KCNQ1: variants seen among roughly 807,000 people sequenced by gnomAD.
KCNQ1 encodes potassium voltage-gated channel subfamily KQT member 1.
A neutral mutation model predicts 72.4 loss-of-function variants in KCNQ1; 49 were observed. The observed-to-expected ratio is 0.68, with a 90% CI of 0.54 to 0.86. The LOEUF is 0.86. Among genes scored for constraint, KCNQ1 ranks in the 40% least tolerant of loss-of-function variants. The pLI, the probability that KCNQ1 is intolerant of heterozygous loss-of-function variation, is 0.00. For synonymous variants in KCNQ1, 450 were observed against 412.6 expected (o/e 1.09, Z -1.10); for missense variants, 790 against 945.1 (o/e 0.84, Z 2.15).
In KCNQ1 at chr11:2,587,587, T is replaced by C. The variant is rs2133758141; in HGVS notation, c.1146T>C (p.Tyr382=). 1 of 1,613,852 alleles carries C rather than the reference T, an allele frequency of 6.2e-7. No homozygotes were observed. The highest frequency in any genetic ancestry group is 8.5e-7 in the Non-Finnish European group (1 of 1,180,012). The part of the protein sequence containing the change: ...ASLIQTAWRC[Y]AAENPDSSTW... ...GACCTCAGACCGCATGGAGGTGCTA[T>C]GCTGCCGAGAACCCCGACTCCTCCA... is the stretch of plus-strand genomic sequence containing the variant. Residue 382 remains tyrosine (Y), a synonymous_variant, in exon 9 of 16, where the codon TAT becomes TAC. Coordinates refer to ENST00000155840, the MANE Select transcript of KCNQ1 (RefSeq NM_000218.3).
At chr11:2,708,716 CG>C (rs1554910232) in intron 11 of KCNQ1, among the ~76,000 whole-genome samples, 1 of 151,658 alleles carries the variant, frequency 6.6e-6, no homozygotes, top group South Asian at 2.1e-4. Flanking sequence ...ACGCGGGTTG[CG>C]GGGGGCGGTC....
rs1214655830 is a variant in KCNQ1 at position 2,816,661 on chromosome 11, T to C, written c.1795-31106T>C. 6.6e-6 allele frequency among the ~76,000 whole-genome samples: 1 copy of C among 152,000 alleles called. No individual in the cohort carries two copies. The highest frequency in any genetic ancestry group is 1.5e-5 in the Non-Finnish European group (1 of 67,966). ...CTCAAGGGCTAACCATGATGTTTCA[T>C]TAAGGGAGAAATGCACTTGCTGCTC... is the stretch of plus-strand genomic sequence containing the variant. On this transcript the variant is annotated intron_variant, in intron 15 of 15. Transcript: ENST00000155840. This position sits in a 1 kb window ranked among gnomAD's most constrained non-coding sequence, Gnocchi z 6.8.
chr11:2,754,820 G>A (rs78045966), intron 11 of KCNQ1, among the ~76,000 whole-genome samples: 2,235 of 152,232 alleles, frequency 0.015, 47 homozygotes, highest in African/African-American at 0.051. Context: ...AGACACAAAA[G>A]CATTGACTGT....
rs563034875 is a variant in KCNQ1, at chr11:2,805,163, G to A, written c.1794+27126G>A. ...AGACGTGGAGATGAGGCTGAGAGCCGGAAGCAAGGGCTTTGTCTCTAGAAG... is the reference window on the plus strand; with the variant it reads ...AGACGTGGAGATGAGGCTGAGAGCCAGAAGCAAGGGCTTTGTCTCTAGAAG... On this transcript the variant is annotated intron_variant, in intron 15 of 15. Transcript: ENST00000155840. 3.9e-5 allele frequency among the ~76,000 whole-genome samples: 6 copies of A among 152,274 alleles called. No homozygotes were observed. In the South Asian group the frequency reaches 6.2e-4, roughly 16 times the overall value.
In KCNQ1 at chr11:2,766,989, C is replaced by T. The variant is rs1200887498; in HGVS notation, c.1515-1855C>T. Among the ~76,000 whole-genome samples, 1 of 152,152 alleles carries T rather than the reference C, an allele frequency of 6.6e-6. No individual in the cohort carries two copies. The highest frequency in any genetic ancestry group is 1.5e-5 in the Non-Finnish European group (1 of 68,036). ...GTCAAGAGATCAACACCATCCTAGC[C>T]AACATGATCAAACCCTGTCTCTACT... On this transcript the variant is annotated intron_variant, in intron 11 of 15. Coordinates refer to ENST00000155840, the MANE Select transcript of KCNQ1 (RefSeq NM_000218.3). This position sits in a 1 kb window ranked among gnomAD's most constrained non-coding sequence, Gnocchi z 4.4.
intron 15 of KCNQ1, among the ~76,000 whole-genome samples, chr11:2,792,544 T>C (rs1055349164): frequency 6.6e-6 from 1 of 152,132 alleles, no homozygotes; most frequent in Non-Finnish European, 1.5e-5. Context: ...GGTTGCAGGG[T>C]GTGCGGGCTG....
At chr11:2,800,752 C>A (rs192116993) in intron 15 of KCNQ1, among the ~76,000 whole-genome samples, 1 of 152,156 alleles carries the variant, frequency 6.6e-6, no homozygotes, top group East Asian at 1.9e-4. Flanking sequence ...GACATGCTTG[C>A]GGGGGTTCAG....
Position 2,527,950 on chromosome 11 carries a change from C to T in KCNQ1, c.409C>T (p.Leu137Phe), listed in dbSNP as rs199473450. ...FAVFLIVLVC[L>F]IFSVLSTIEQ... ...CAGCTTCCTCATCGTCCTGGTCTGC[C>T]TCATCTTCAGCGTGCTGTCCACCAT... The change falls in exon 2 of 16, where the codon CTC becomes TTC. Residue 137 changes from leucine (L) to phenylalanine (F), a missense_variant. By Grantham distance (22) the Leu-to-Phe change is conservative. This residue lies in a region of KCNQ1 where 294 missense variants were observed against 323.3 expected (regional missense o/e 0.91). Coordinates refer to ENST00000155840, the MANE Select transcript of KCNQ1 (RefSeq NM_000218.3). 1.2e-6 allele frequency: 2 copies of T among 1,614,110 alleles called. No individual in the cohort carries two copies. The highest frequency in any genetic ancestry group is 2.2e-5 in the South Asian group (2 of 91,086).
intron 15 of KCNQ1, among the ~76,000 whole-genome samples, chr11:2,805,642 A>G (rs892717415): frequency 2.0e-5 from 3 of 152,242 alleles, no homozygotes; most frequent in African/African-American, 7.2e-5. Context: ...CGTGTGACCA[A>G]CGAAGCCAGA....
At chr11:2,552,060 A>G (rs1847990722) in intron 2 of KCNQ1, among the ~76,000 whole-genome samples, 1 of 151,524 alleles carries the variant, frequency 6.6e-6, no homozygotes, top group Non-Finnish European at 1.5e-5. Flanking sequence ...TCTTAACAGG[A>G]TCTTTCAAAA....
intron 11 of KCNQ1, among the ~76,000 whole-genome samples, chr11:2,728,665 G>T (rs961614996): frequency 6.6e-6 from 1 of 152,192 alleles, no homozygotes; most frequent in Non-Finnish European, 1.5e-5. Flanking sequence ...GGCTCAGGGT[G>T]GCCAGTTGGG....
rs1028890503 is a variant in KCNQ1 at position 2,564,392 on chromosome 11, G to A, written c.478-6236G>A. ...GCGGATCACCTGAGGTCAGGAGTTT[G>A]AGACCAGCCTGGCCAACATGGTGAA... On this transcript the variant is annotated intron_variant, in intron 2 of 15. Transcript: ENST00000155840. The surrounding 1 kb of genome is among the most constrained non-coding windows in gnomAD (Gnocchi z 4.5). Among the ~76,000 whole-genome samples the A allele has an allele frequency of 6.6e-6, 1 of 152,180 alleles. No individual in the cohort carries two copies. Among genetic ancestry groups the A allele is most frequent in the African/African-American group, 2.4e-5 (1 of 41,444 alleles).
Position 2,764,385 on chromosome 11 carries a change from A to C in KCNQ1, c.1515-4459A>C, listed in dbSNP as rs918370588. Reference sequence around the variant, plus strand: ...TCCTTAGAGGGTAAACTCAGCATGCACAAGTGGATTAAACCACATTCGAGC... The same window carrying C: ...TCCTTAGAGGGTAAACTCAGCATGCCCAAGTGGATTAAACCACATTCGAGC... On this transcript the variant is annotated intron_variant, in intron 11 of 15. Transcript: ENST00000155840. The surrounding 1 kb of genome is among the most constrained non-coding windows in gnomAD (Gnocchi z 4.8). Among the ~76,000 whole-genome samples, 12 of 152,322 alleles carry C rather than the reference A, an allele frequency of 7.9e-5. No homozygotes were observed. Among genetic ancestry groups the C allele is most frequent in the Admixed American group, 7.2e-4 (11 of 15,288 alleles).
chr11:2,547,499 G>T lies in KCNQ1; in HGVS notation c.477+19481G>T, dbSNP rs1289945099. Among the ~76,000 whole-genome samples the T allele has an allele frequency of 6.6e-6, 1 of 152,190 alleles. No homozygotes were observed. The highest frequency in any genetic ancestry group is 2.4e-5 in the African/African-American group (1 of 41,426). The stretch of plus-strand genomic sequence containing the variant: ...TCTGCCCGCCTCAGCCTCCCAAAGT[G>T]CTGGGATCACAGGCATGAGCCACCG... On this transcript the variant is annotated intron_variant, in intron 2 of 15. Coordinates refer to ENST00000155840, the MANE Select transcript of KCNQ1 (RefSeq NM_000218.3). The surrounding 1 kb of genome is among the most constrained non-coding windows in gnomAD (Gnocchi z 4.2).
chr11:2,841,200 C>T (rs1848202818), intron 15 of KCNQ1, among the ~76,000 whole-genome samples: 1 of 152,162 alleles, frequency 6.6e-6, no homozygotes, highest in Admixed American at 6.5e-5. Flanking sequence ...GTGCAAAGGC[C>T]CCAGGGCCCA....
chr11:2,790,822 A>C (rs559648826), intron 15 of KCNQ1, among the ~76,000 whole-genome samples: 1 of 152,318 alleles, frequency 6.6e-6, no homozygotes, highest in South Asian at 2.1e-4. Context: ...TGAGGATGGC[A>C]TCAGGGGTCT....
chr11:2,639,373 C>A (rs11023583), intron 10 of KCNQ1: 2 of 152,060 alleles, frequency 1.3e-5, no homozygotes, highest in African/African-American at 4.8e-5. Context: ...ATGATGGTGA[C>A]GTATAGATGG....
At chr11:2,590,093 C>T (rs186463912) in intron 10 of KCNQ1, among the ~76,000 whole-genome samples, 17 of 152,340 alleles carry the variant, frequency 1.1e-4, no homozygotes, top group Non-Finnish European at 2.2e-4. Context: ...AATTCTCTAG[C>T]AGCTCTCTTA....
At chr11:2,496,375 T>G in intron 1 of KCNQ1, among the ~76,000 whole-genome samples, 1 of 151,664 alleles carries the variant, frequency 6.6e-6, no homozygotes, top group East Asian at 1.9e-4. Context: ...AGGTGGAGCT[T>G]GCAGCGAGCC....
Sources: gnomAD v4.1 joint callset for allele counts (sites outside exome capture counted in the v4.1 genomes callset) on GRCh38, gnomAD v4.1.1 for gene constraint, gnomAD v4.1.1 regional missense constraint, Gnocchi (gnomAD v3.1) non-coding constraint, MANE v1.5 for transcripts, NCBI Gene and HGNC (gene_info 2026-07-23, HGNC 2026-07-21) for gene names.